VRK2: variants seen among roughly 807,000 people sequenced by gnomAD.
VRK2 encodes VRK serine/threonine kinase 2.
In VRK2, 60 loss-of-function variants were observed where a neutral mutation model predicts 57.6. The observed-to-expected ratio is 1.04, with a 90% confidence interval of 0.85 to 1.29. VRK2 has a LOEUF of 1.29. Among genes scored for constraint, VRK2 ranks in the 50% most tolerant of loss-of-function variants. VRK2 has a pLI of 0.00. For synonymous variants in VRK2, 231 were observed against 199.2 expected (o/e 1.16, Z -1.35); for missense variants, 705 against 588.1 (o/e 1.20, Z -2.06).
In VRK2 at chr2:58,091,086, A is replaced by G. The variant is rs1377814434; in HGVS notation, c.543+1363A>G. Among the ~76,000 whole-genome samples the G allele has an allele frequency of 2.0e-5, 3 of 152,222 alleles. No homozygotes were observed. The East Asian group carries it at 5.8e-4, about 29-fold the overall frequency. ...GAGGAAGGATGAATGAGTGAAGCAC[A>G]GTGGATTTTTAGGTCAGTGAAACTA... On this transcript the variant is annotated intron_variant, in intron 7 of 12. Coordinates refer to ENST00000340157, the MANE Select transcript of VRK2 (RefSeq NM_006296.7).
chr2:58,017,491 G>T (rs544153320), intron 1 of VRK2, among the ~76,000 whole-genome samples: 2 of 152,092 alleles, frequency 1.3e-5, no homozygotes, highest in Non-Finnish European at 2.9e-5. Flanking sequence ...GATTTTGTAG[G>T]GGCAATTTTC....
At chr2:58,058,346 C>T (rs556216682) in intron 2 of VRK2, 26 of 470,164 alleles carry the variant, frequency 5.5e-5, no homozygotes, top group African/African-American at 4.6e-4. Flanking sequence ...GTTAATTATT[C>T]CCCAGAGACA....
chr2:57,979,601 T>C lies in VRK2; in HGVS notation c.-438-46064T>C, dbSNP rs76663204. Among the ~76,000 whole-genome samples, 420 of 145,210 alleles carry C rather than the reference T, an allele frequency of 2.9e-3. 1 individual carries two copies. The highest frequency in any genetic ancestry group is 4.4e-3 in the Non-Finnish European group (300 of 67,940). On this transcript the variant is annotated intron_variant, in intron 1 of 15. Coordinates refer to the VRK2 transcript ENST00000417641. ...TCCTCCTTGATTTTTTGGAATAATT[T>C]AACCCCAGCACTAGCACCCTCTCTT... is the stretch of plus-strand genomic sequence containing the variant.
intron 2 of VRK2, chr2:58,028,276 C>G (rs1169512392): frequency 2.0e-5 from 3 of 152,102 alleles, no homozygotes; most frequent in Non-Finnish European, 4.4e-5. Flanking sequence ...CTGGTCTTAT[C>G]TATAGTTTCT....
chr2:58,057,535 A>AC (rs1676706954), intron 2 of VRK2, among the ~76,000 whole-genome samples: 1 of 152,184 alleles, frequency 6.6e-6, no homozygotes, highest in Admixed American at 6.6e-5. Context: ...TCTGAGTAGT[A>AC]TTTAATTGAA....
chr2:58,024,058 T>C (rs1673846222), intron 1 of VRK2, among the ~76,000 whole-genome samples: 1 of 151,128 alleles, frequency 6.6e-6, no homozygotes, highest in Admixed American at 6.6e-5. Context: ...AGCTCATGGC[T>C]CACTGCCAGC....
At chr2:58,070,251 T>C (rs1669195609) in intron 2 of VRK2, among the ~76,000 whole-genome samples, 1 of 152,180 alleles carries the variant, frequency 6.6e-6, no homozygotes, top group African/African-American at 2.4e-5. Flanking sequence ...AGTCTTGGTG[T>C]GTTACCCATG....
In VRK2 at chr2:58,023,446, T is replaced by C. The variant is rs373397269; in HGVS notation, c.-438-2219T>C. On this transcript the variant is annotated intron_variant, in intron 1 of 15. Transcript: ENST00000417641. ...GTCAATGGACCCTTTGGTTGCTTCTTGGCTTTTGTGAGTAATGTTGCTATG... is the reference window on the plus strand; with the variant it reads ...GTCAATGGACCCTTTGGTTGCTTCTCGGCTTTTGTGAGTAATGTTGCTATG... Among the ~76,000 whole-genome samples the C allele has an allele frequency of 4.6e-5, 7 of 152,240 alleles. No individual in the cohort carries two copies. In the East Asian group the frequency reaches 1.3e-3, roughly 29 times the overall value.
chr2:58,095,156 T>TGGTGGCA (rs1480108405), intron 7 of VRK2, among the ~76,000 whole-genome samples: 1 of 152,042 alleles, frequency 6.6e-6, no homozygotes, highest in African/African-American at 2.4e-5. Context: ...TATCCGGGCG[T>TGGTGGCA]GGTGGCAGGT....
chr2:58,017,314 T>C (rs180753686), intron 1 of VRK2, among the ~76,000 whole-genome samples: 28 of 152,306 alleles, frequency 1.8e-4, no homozygotes, highest in Admixed American at 2.6e-4. Context: ...TTTTATTTGC[T>C]CTCCACTGAC....
At chr2:58,018,007 T>C (rs536052197) in intron 1 of VRK2, 2 of 152,328 alleles carry the variant, frequency 1.3e-5, no homozygotes, top group African/African-American at 4.8e-5. Context: ...TCTTTATTTT[T>C]TGATACAGAG....
At chr2:57,921,148 C>T (rs988238377) in intron 1 of VRK2, among the ~76,000 whole-genome samples, 2 of 152,010 alleles carry the variant, frequency 1.3e-5, no homozygotes, top group Non-Finnish European at 2.9e-5. Flanking sequence ...CCAAAGATGG[C>T]CTACATCAGA....
chr2:58,006,469 G>C (rs1168248168), intron 1 of VRK2, among the ~76,000 whole-genome samples: 1 of 152,140 alleles, frequency 6.6e-6, no homozygotes, highest in African/African-American at 2.4e-5. Flanking sequence ...TATTGGAACG[G>C]TCTAGAAGAC....
chr2:58,058,904 C>T (rs1399529202), intron 2 of VRK2, among the ~76,000 whole-genome samples: 1 of 151,956 alleles, frequency 6.6e-6, no homozygotes, highest in Non-Finnish European at 1.5e-5. Context: ...TGTCCCTTGT[C>T]CAAGAACACT....
At chr2:57,931,708 T>C (rs1315103893) in intron 1 of VRK2, among the ~76,000 whole-genome samples, 1 of 152,168 alleles carries the variant, frequency 6.6e-6, no homozygotes, top group Non-Finnish European at 1.5e-5. Context: ...GTCATGGACA[T>C]TTTCTCATTT....
chr2:58,137,001 ATATATAT>A (rs1227990964), intron 10 of VRK2, among the ~76,000 whole-genome samples: 2 of 130,704 alleles, frequency 1.5e-5, no homozygotes, highest in Admixed American at 8.2e-5. Context: ...TGTATATATC[ATATATAT>A]TATATATATC....
intron 2 of VRK2, among the ~76,000 whole-genome samples, chr2:58,071,912 A>G (rs1028298022): frequency 2.6e-5 from 4 of 151,990 alleles, no homozygotes; most frequent in African/African-American, 9.7e-5. Flanking sequence ...CCTATTTATG[A>G]ACATGATGTA....
chr2:57,990,550 T>A (rs1340010761), intron 1 of VRK2, among the ~76,000 whole-genome samples: 1 of 152,210 alleles, frequency 6.6e-6, no homozygotes, highest in African/African-American at 2.4e-5. Context: ...ATCAAAAAGA[T>A]CATCAGAAAA....
rs549908955 is a variant in VRK2 at position 57,939,932 on chromosome 2, T to C, written c.-439+32093T>C. Among the ~76,000 whole-genome samples the C allele has an allele frequency of 7.2e-5, 11 of 152,306 alleles. No homozygotes were observed. In the South Asian group the frequency reaches 1.7e-3, roughly 23 times the overall value. On this transcript the variant is annotated intron_variant, in intron 1 of 15. Transcript: ENST00000417641. ...TTTCATTAATTAGTAAAGATGCCCATTGCATCCCTCACAATTGACAATGAG... is the reference window on the plus strand; with the variant it reads ...TTTCATTAATTAGTAAAGATGCCCACTGCATCCCTCACAATTGACAATGAG...
Sources: gnomAD v4.1 joint callset for allele counts (sites outside exome capture counted in the v4.1 genomes callset) on GRCh38, gnomAD v4.1.1 for gene constraint, MANE v1.5 for transcripts, NCBI Gene and HGNC (gene_info 2026-07-23, HGNC 2026-07-21) for gene names.